The following CADM2 variants were observed in gnomAD, a reference collection of about 807,000 sequenced individuals.
CADM2 encodes the protein cell adhesion molecule 2.
In CADM2, 12 loss-of-function variants were observed where a neutral mutation model predicts 49.8. The observed-to-expected ratio is 0.24, with a 90% CI of 0.15 to 0.39. The LOEUF (loss-of-function observed/expected upper bound fraction) is 0.39, where lower values mean the gene tolerates loss of function less well. Among genes scored for constraint, CADM2 ranks in the 10% least tolerant of loss-of-function variants. CADM2 has a pLI of 1.00. For missense variants in CADM2, 378 were observed against 492.3 expected, an observed-to-expected ratio of 0.77 and a Z score of 2.20; for synonymous variants, 214 against 175.4, an observed-to-expected ratio of 1.22 and a Z score of -1.74.
intron 1 of CADM2, among the ~76,000 whole-genome samples, chr3:85,147,438 GT>G (rs1440666079): frequency 1.3e-5 from 2 of 152,032 alleles, no homozygotes; most frequent in African/African-American, 4.8e-5. Context: ...TATCTTGGGA[GT>G]TAAACTGTAC....
At chr3:85,972,397 C>T (rs1726265377) in intron 8 of CADM2, among the ~76,000 whole-genome samples, 1 of 151,746 alleles carries the variant, frequency 6.6e-6, no homozygotes, top group Non-Finnish European at 1.5e-5. Flanking sequence ...AACACTTCTA[C>T]ATCTCCACTA....
chr3:84,996,837 A>G (rs1033045421), intron 1 of CADM2, among the ~76,000 whole-genome samples: 2 of 152,118 alleles, frequency 1.3e-5, no homozygotes, highest in Non-Finnish European at 2.9e-5. Context: ...GAATAATTCT[A>G]TGGTGTTCAG....
chr3:84,960,144 T>C (rs2030327685), intron 1 of CADM2: 1 of 170,562 alleles, frequency 5.9e-6, no homozygotes, highest in Non-Finnish European at 1.2e-5. Flanking sequence ...TATCCGTGTG[T>C]CTTTAAAAAG....
intron 1 of CADM2, among the ~76,000 whole-genome samples, chr3:85,046,320 C>CT (rs924286569): frequency 0.04 from 4,930 of 122,798 alleles, 115 homozygotes; most frequent in Non-Finnish European, 0.053. Context: ...TTACAATTTT[C>CT]TTTTTTTTTT....
chr3:85,630,362 G>A (rs1489626160), intron 1 of CADM2, among the ~76,000 whole-genome samples: 1 of 151,882 alleles, frequency 6.6e-6, no homozygotes, highest in Non-Finnish European at 1.5e-5. Context: ...TCTTACAACT[G>A]GCACACAGTG....
chr3:85,393,303 C>G (rs78918787), intron 1 of CADM2, among the ~76,000 whole-genome samples: 1 of 151,842 alleles, frequency 6.6e-6, no homozygotes, highest in Non-Finnish European at 1.5e-5. Flanking sequence ...AAAGGTGGTC[C>G]GGGAGAAGGA....
chr3:85,155,166 C>T (rs2040067577), intron 1 of CADM2, among the ~76,000 whole-genome samples: 1 of 149,828 alleles, frequency 6.7e-6, no homozygotes, highest in Non-Finnish European at 1.5e-5. Context: ...ACAGTCAAGA[C>T]CCATCAGTGT....
intron 1 of CADM2, among the ~76,000 whole-genome samples, chr3:85,543,246 A>G (rs1285525472): frequency 1.4e-4 from 6 of 42,896 alleles, no homozygotes; most frequent in Middle Eastern, 0.017. Flanking sequence ...TTATTTATTT[A>G]TTTATTTTTT....
intron 1 of CADM2, among the ~76,000 whole-genome samples, chr3:85,110,930 A>G (rs1289457778): frequency 6.6e-6 from 1 of 151,862 alleles, no homozygotes; most frequent in African/African-American, 2.4e-5. Context: ...TTTGACTTCC[A>G]TTGATAACTA....
At chr3:85,738,143 G>A (rs1029466586) in intron 2 of CADM2, among the ~76,000 whole-genome samples, 31 of 136,746 alleles carry the variant, frequency 2.3e-4, no homozygotes, top group African/African-American at 8.9e-4. Flanking sequence ...CCCAGAGTTT[G>A]AGAATCCCAG....
At chr3:85,574,035 T>G (rs1413940719) in intron 1 of CADM2, among the ~76,000 whole-genome samples, 2 of 152,230 alleles carry the variant, frequency 1.3e-5, no homozygotes, top group Non-Finnish European at 2.9e-5. Flanking sequence ...ACATTTCATC[T>G]GTCTCTCTAT....
intron 1 of CADM2, among the ~76,000 whole-genome samples, chr3:85,199,051 T>G (rs1452877142): frequency 6.6e-6 from 1 of 151,914 alleles, no homozygotes; most frequent in Non-Finnish European, 1.5e-5. Context: ...TTCTATTAGA[T>G]TTTCCATCAT....
chr3:85,746,886 A>G (rs1371012814), intron 2 of CADM2, among the ~76,000 whole-genome samples: 1 of 152,028 alleles, frequency 6.6e-6, no homozygotes, highest in Non-Finnish European at 1.5e-5. Context: ...GTTAAGTCCA[A>G]GTTTTTTCTC....
At chr3:85,095,009 T>C (rs945494639) in intron 1 of CADM2, among the ~76,000 whole-genome samples, 4 of 152,218 alleles carry the variant, frequency 2.6e-5, no homozygotes, top group African/African-American at 9.6e-5. Flanking sequence ...AATCTTTTGA[T>C]AGTACTTTCT....
chr3:85,714,225 A>G (rs2067207674), intron 1 of CADM2, among the ~76,000 whole-genome samples: 1 of 152,132 alleles, frequency 6.6e-6, no homozygotes, highest in Non-Finnish European at 1.5e-5. Context: ...TCCAGAATTG[A>G]CTTACTATCT....
At chr3:85,585,542 G>A (rs2107316356) in intron 1 of CADM2, among the ~76,000 whole-genome samples, 1 of 152,018 alleles carries the variant, frequency 6.6e-6, no homozygotes, top group East Asian at 1.9e-4. Context: ...TCATAGGAAT[G>A]TTTGTATAAA....
intron 2 of CADM2, among the ~76,000 whole-genome samples, chr3:85,786,294 T>C (rs1158876933): frequency 6.6e-6 from 1 of 152,228 alleles, no homozygotes; most frequent in East Asian, 1.9e-4. Flanking sequence ...TAATTCTCAG[T>C]TTGCTTTATC....
At chr3:85,251,542 AC>A (rs1465634079) in intron 1 of CADM2, among the ~76,000 whole-genome samples, 1 of 152,012 alleles carries the variant, frequency 6.6e-6, no homozygotes, top group East Asian at 1.9e-4. Flanking sequence ...TGAAAATATA[AC>A]CATAACAAAA....
chr3:85,334,635 A>G (rs1020419353), intron 1 of CADM2, among the ~76,000 whole-genome samples: 4 of 151,666 alleles, frequency 2.6e-5, no homozygotes, highest in East Asian at 1.9e-4. Context: ...ACTTAGCTAA[A>G]TTTTGTGATC....
Sources: gnomAD v4.1 joint callset for allele counts (sites outside exome capture counted in the v4.1 genomes callset) on GRCh38, gnomAD v4.1.1 for gene constraint, MANE v1.5 for transcripts, NCBI Gene and HGNC (gene_info 2026-07-23, HGNC 2026-07-21) for gene names.